Variants in CNTNAP2 observed in about 807,000 individuals in gnomAD.
The protein encoded by CNTNAP2 is contactin-associated protein-like 2.
CNTNAP2 carries 98 observed loss-of-function variants against 155.2 expected under a neutral mutation model. The observed-to-expected ratio is 0.63, with a 90% CI of 0.54 to 0.75. The LOEUF is 0.75. CNTNAP2 is among the 30% of genes least tolerant of loss of function. CNTNAP2 has a pLI of 0.00. For missense variants in CNTNAP2, 1,727 were observed against 1,688.1 expected (o/e 1.02, Z -0.40); for synonymous variants, 651 against 631.2 (o/e 1.03, Z -0.47).
At chr7:147,862,731 G>C (rs1259020993) in intron 13 of CNTNAP2, among the ~76,000 whole-genome samples, 1 of 151,992 alleles carries the variant, frequency 6.6e-6, no homozygotes, top group Non-Finnish European at 1.5e-5. Context: ...AATGATAAAA[G>C]GAAGTGAACT....
intron 15 of CNTNAP2, among the ~76,000 whole-genome samples, chr7:148,115,375 A>G (rs940262819): frequency 3.9e-5 from 6 of 152,226 alleles, no homozygotes; most frequent in African/African-American, 9.6e-5. Context: ...ATAAGAAGGT[A>G]CTTGATTGGA....
At chr7:146,757,090 G>A (rs890487615) in intron 1 of CNTNAP2, among the ~76,000 whole-genome samples, 82 of 151,978 alleles carry the variant, frequency 5.4e-4, no homozygotes, top group African/African-American at 1.7e-3. Flanking sequence ...AGACAGCTTT[G>A]AATATCAATT....
chr7:147,549,981 T>C (rs780624438), intron 11 of CNTNAP2, among the ~76,000 whole-genome samples: 9 of 152,220 alleles, frequency 5.9e-5, no homozygotes, highest in East Asian at 1.9e-4. Context: ...TTTTCTTTTA[T>C]GGAAATTTTC....
At chr7:146,683,850 G>T (rs1038363249) in intron 1 of CNTNAP2, among the ~76,000 whole-genome samples, 20 of 152,168 alleles carry the variant, frequency 1.3e-4, no homozygotes, top group African/African-American at 4.8e-4. Context: ...AATGATATAT[G>T]TACAAATATT....
At chr7:148,098,838 A>T (rs968463884) in intron 15 of CNTNAP2, among the ~76,000 whole-genome samples, 2 of 152,180 alleles carry the variant, frequency 1.3e-5, no homozygotes, top group Admixed American at 1.3e-4. Context: ...CTTACAGAAA[A>T]ATCTTCTTTT....
At chr7:147,727,124 C>T (rs1424415567) in intron 13 of CNTNAP2, among the ~76,000 whole-genome samples, 1 of 151,796 alleles carries the variant, frequency 6.6e-6, no homozygotes, top group Non-Finnish European at 1.5e-5. Flanking sequence ...GGAAAAATGA[C>T]AAAAGAAGAC....
At chr7:146,949,172 A>AT (rs1391217078) in intron 3 of CNTNAP2, among the ~76,000 whole-genome samples, 2 of 152,188 alleles carry the variant, frequency 1.3e-5, no homozygotes, top group Non-Finnish European at 1.5e-5. Context: ...AGATAAAACA[A>AT]TTTTGAAAGC....
At chr7:146,403,969 CA>C (rs1184567989) in intron 1 of CNTNAP2, among the ~76,000 whole-genome samples, 1 of 151,122 alleles carries the variant, frequency 6.6e-6, no homozygotes, top group South Asian at 2.1e-4. Flanking sequence ...ACTAAAAATA[CA>C]AAAAATTAGC....
chr7:148,409,818 G>C, intron 23 of CNTNAP2, among the ~76,000 whole-genome samples: 1 of 96,614 alleles, frequency 1.0e-5, no homozygotes, highest in Non-Finnish European at 2.2e-5. Flanking sequence ...TTGGGAGGCC[G>C]AGGCGGGCGG....
intron 22 of CNTNAP2, among the ~76,000 whole-genome samples, chr7:148,384,438 G>T (rs1201653339): frequency 1.3e-5 from 2 of 152,210 alleles, no homozygotes; most frequent in Non-Finnish European, 2.9e-5. Context: ...CAAATGAAAG[G>T]ATGTAGCTGT....
chr7:147,833,125 A>C (rs1003411512), intron 13 of CNTNAP2, among the ~76,000 whole-genome samples: 3 of 149,260 alleles, frequency 2.0e-5, no homozygotes, highest in African/African-American at 7.3e-5. Flanking sequence ...TATTTTTCTT[A>C]GGTTTTTTTT....
intron 15 of CNTNAP2, among the ~76,000 whole-genome samples, chr7:148,035,709 G>A (rs373926511): frequency 1.1e-4 from 16 of 152,156 alleles, no homozygotes; most frequent in South Asian, 6.2e-4. Context: ...TGGTGGAGCC[G>A]TGGGGGTAGG....
At chr7:147,386,388 T>G (rs180828956) in intron 9 of CNTNAP2, among the ~76,000 whole-genome samples, 4 of 152,334 alleles carry the variant, frequency 2.6e-5, no homozygotes, top group Non-Finnish European at 4.4e-5. Flanking sequence ...CAAACTTTTA[T>G]GCTCCGTTTC....
At chr7:147,511,168 C>A (rs2116689645) in intron 11 of CNTNAP2, among the ~76,000 whole-genome samples, 1 of 152,066 alleles carries the variant, frequency 6.6e-6, no homozygotes, top group East Asian at 1.9e-4. Flanking sequence ...TGCATACAGA[C>A]AACTGCAGTC....
chr7:148,193,133 T>C (rs1795226780), intron 18 of CNTNAP2, among the ~76,000 whole-genome samples: 1 of 152,202 alleles, frequency 6.6e-6, no homozygotes, highest in Non-Finnish European at 1.5e-5. Context: ...TTATTGCAAA[T>C]ATTTTTCCTA....
chr7:146,270,136 C>T lies in CNTNAP2; in HGVS notation c.97+153163C>T, dbSNP rs111700575. On this transcript the variant is annotated intron_variant, in intron 1 of 23. Coordinates refer to ENST00000361727, the MANE Select transcript of CNTNAP2 (RefSeq NM_014141.6). ...ACTCACTCCATCCTCCACATTTTCA[C>T]GATGGTTATTTTTAAATTAGGAGTC... Among the ~76,000 whole-genome samples the T allele has an allele frequency of 3.3e-3, 499 of 152,232 alleles. 3 individuals are homozygous for T. Among genetic ancestry groups the T allele is most frequent in the African/African-American group, 0.011 (463 of 41,530 alleles).
chr7:147,835,963 G>C (rs1017638983), intron 13 of CNTNAP2, among the ~76,000 whole-genome samples: 15 of 152,194 alleles, frequency 9.9e-5, no homozygotes, highest in Admixed American at 7.9e-4. Context: ...GTGCAGTCCT[G>C]CTGAGGCCTC....
chr7:147,905,110 A>G (rs942248396), intron 14 of CNTNAP2, among the ~76,000 whole-genome samples: 1 of 152,222 alleles, frequency 6.6e-6, no homozygotes, highest in African/African-American at 2.4e-5. Context: ...TAAAATACCA[A>G]ATGCAAAGAA....
At chr7:146,156,652 G>A (rs1798130707) in intron 1 of CNTNAP2, among the ~76,000 whole-genome samples, 2 of 151,924 alleles carry the variant, frequency 1.3e-5, no homozygotes, top group Non-Finnish European at 2.9e-5. Context: ...ACCAAGGCTG[G>A]AGTGCAGTGG....
Sources: allele counts gnomAD v4.1 joint callset (sites outside exome capture counted in the v4.1 genomes callset), GRCh38; gene constraint gnomAD v4.1.1; transcripts MANE v1.5; gene names NCBI Gene and HGNC (gene_info 2026-07-23, HGNC 2026-07-21).